UVRAG: variants seen among roughly 807,000 people sequenced by gnomAD.
The protein encoded by UVRAG is UV radiation resistance-associated gene protein.
In UVRAG, 19 loss-of-function variants were observed where a neutral mutation model predicts 78.0. The observed-to-expected ratio is 0.24, with a 90% CI of 0.17 to 0.36. UVRAG has a LOEUF of 0.36. UVRAG is among the 10% of genes least tolerant of loss of function. The pLI is 1.00. For synonymous variants in UVRAG, 323 were observed against 324.6 expected (o/e 1.00, Z 0.05); for missense variants, 740 against 853.8 (o/e 0.87, Z 1.66).
chr11:76,027,271 G>C (rs893506103), intron 12 of UVRAG, among the ~76,000 whole-genome samples: 2 of 152,058 alleles, frequency 1.3e-5, no homozygotes, highest in Non-Finnish European at 2.9e-5. Flanking sequence ...CCCTTTTCCT[G>C]ATTTAGGGAA....
At chr11:75,853,273 A>C (rs778322310) in intron 2 of UVRAG, among the ~76,000 whole-genome samples, 1 of 152,062 alleles carries the variant, frequency 6.6e-6, no homozygotes, top group Non-Finnish European at 1.5e-5. Flanking sequence ...TTTAATGTCA[A>C]TTCCAGTATC....
In UVRAG at chr11:75,961,537, A is replaced by T; in HGVS notation, c.687A>T (p.Thr229=). ...AAGAAAAACTAAGACTCACATCTAC[A>T]AGCAATGAACTGGTAGGTTTTTATG... is the stretch of plus-strand genomic sequence containing the variant. The part of the protein sequence containing the change: ...EIEEKLRLTS[T]SNELKKKSEC... Residue 229 remains threonine, a synonymous_variant, in exon 7 of 15, where the codon ACA becomes ACT. Coordinates refer to ENST00000356136, the MANE Select transcript of UVRAG (RefSeq NM_003369.4). 2 of 1,602,368 alleles carry T rather than the reference A, an allele frequency of 1.2e-6. No homozygotes were observed.
Position 76,143,345 on chromosome 11 carries a change from C to CA in UVRAG, c.*1934dup, listed in dbSNP as rs1952756166. 1 of 152,266 alleles carries CA rather than the reference C, an allele frequency of 6.6e-6. No homozygotes were observed. Among genetic ancestry groups the CA allele is most frequent in the Non-Finnish European group, 1.5e-5 (1 of 68,082 alleles). The allele number at this position is 152,266 out of a possible 1,614,324, so 9.4% of individuals were successfully genotyped here. A position where few individuals can be genotyped will look rare whatever the true frequency, so the allele number is the denominator to read the frequency against. ...GCATCCAGCCTGGCGCTGGCACCAC[C>CA]AAGGAGCAGGACTCCTCATGATTAC... On this transcript the variant is annotated 3_prime_UTR_variant, in exon 15 of 15. Transcript: ENST00000356136.
chr11:76,131,905 A>G (rs1952519383), intron 14 of UVRAG, among the ~76,000 whole-genome samples: 1 of 152,228 alleles, frequency 6.6e-6, no homozygotes, highest in Non-Finnish European at 1.5e-5. Context: ...GGGAAAGAAG[A>G]AGGATAAATC....
At chr11:75,861,278 A>G (rs902048993) in intron 2 of UVRAG, among the ~76,000 whole-genome samples, 1 of 152,226 alleles carries the variant, frequency 6.6e-6, no homozygotes, top group African/African-American at 2.4e-5. Context: ...CCCGGTTGCT[A>G]GTGTTTTAAC....
intron 13 of UVRAG, among the ~76,000 whole-genome samples, chr11:76,110,822 G>T (rs993374974): frequency 2.0e-5 from 3 of 151,992 alleles, no homozygotes; most frequent in South Asian, 2.1e-4. Flanking sequence ...TGAAAAGCTG[G>T]TTTTTTATAT....
At chr11:76,030,721 T>G (rs1171333207) in intron 12 of UVRAG, among the ~76,000 whole-genome samples, 2 of 152,176 alleles carry the variant, frequency 1.3e-5, no homozygotes, top group Non-Finnish European at 2.9e-5. Flanking sequence ...ATCTCTAGCA[T>G]CAAAACTGTG....
intron 1 of UVRAG, among the ~76,000 whole-genome samples, chr11:75,823,741 T>A (rs1233213595): frequency 6.6e-6 from 1 of 152,216 alleles, no homozygotes; most frequent in Admixed American, 6.5e-5. Flanking sequence ...AAGTTTTAAG[T>A]ACCTCAGAGT....
intron 13 of UVRAG, 61 bp from the exon 14 acceptor site, chr11:76,115,863 C>A: frequency 1.4e-6 from 2 of 1,472,904 alleles, no homozygotes; most frequent in South Asian, 2.3e-5. Context: ...TTTAGTGGTT[C>A]ATTTTTCCGA....
intron 8 of UVRAG, among the ~76,000 whole-genome samples, chr11:76,002,207 T>C (rs1949827952): frequency 1.3e-5 from 2 of 152,208 alleles, no homozygotes; most frequent in South Asian, 4.1e-4. Flanking sequence ...TATCTTCAAA[T>C]ACTTAGTTCT....
intron 12 of UVRAG, among the ~76,000 whole-genome samples, chr11:76,019,132 C>A (rs1333054853): frequency 6.6e-6 from 1 of 152,178 alleles, no homozygotes; most frequent in Non-Finnish European, 1.5e-5. Flanking sequence ...GACTTTGATG[C>A]ATTCTTCAGT....
At chr11:75,858,900 A>G (rs914206513) in intron 2 of UVRAG, among the ~76,000 whole-genome samples, 2 of 152,226 alleles carry the variant, frequency 1.3e-5, no homozygotes, top group African/African-American at 4.8e-5. Flanking sequence ...GAGTATTAGG[A>G]TGAGGCACTT....
chr11:75,894,376 C>T (rs975813948), intron 5 of UVRAG, among the ~76,000 whole-genome samples: 1 of 151,974 alleles, frequency 6.6e-6, no homozygotes, highest in African/African-American at 2.4e-5. Context: ...GCCAACTGGT[C>T]TTTCCCCACA....
intron 14 of UVRAG, among the ~76,000 whole-genome samples, chr11:76,139,145 C>T (rs1465915138): frequency 2.6e-5 from 4 of 152,176 alleles, no homozygotes; most frequent in African/African-American, 9.7e-5. Flanking sequence ...AGGAGTCTGA[C>T]AGACCCAAGG....
At chr11:75,957,706 G>A (rs1177247794) in intron 6 of UVRAG, among the ~76,000 whole-genome samples, 1 of 152,100 alleles carries the variant, frequency 6.6e-6, no homozygotes, top group Non-Finnish European at 1.5e-5. Flanking sequence ...CTTTATTGTA[G>A]CAGTGTTTTG....
At chr11:76,023,497 G>GTTTGTTTGTTTGCC (rs2135385214) in intron 12 of UVRAG, among the ~76,000 whole-genome samples, 1 of 151,646 alleles carries the variant, frequency 6.6e-6, no homozygotes, top group Non-Finnish European at 1.5e-5. Flanking sequence ...TTGAACATTT[G>GTTTGTTTGTTTGCC]TTAGCTGCTT....
chr11:76,107,976 A>G (rs561675150), intron 13 of UVRAG, among the ~76,000 whole-genome samples: 3 of 152,278 alleles, frequency 2.0e-5, no homozygotes, highest in African/African-American at 7.2e-5. Flanking sequence ...GTTCCTCCAC[A>G]CCATTTCTTT....
intron 3 of UVRAG, among the ~76,000 whole-genome samples, chr11:75,873,649 T>A (rs1484485704): frequency 6.6e-6 from 1 of 152,232 alleles, no homozygotes; most frequent in African/African-American, 2.4e-5. Context: ...AGGTCCCTTT[T>A]ATTGCTTTCA....
intron 12 of UVRAG, among the ~76,000 whole-genome samples, chr11:76,019,789 A>G (rs1046215774): frequency 7.2e-5 from 11 of 152,200 alleles, no homozygotes; most frequent in Non-Finnish European, 2.9e-5. Context: ...TGATGCCAGC[A>G]TAGGACTGGG....
Sources: allele counts gnomAD v4.1 joint callset (sites outside exome capture counted in the v4.1 genomes callset), GRCh38; gene constraint gnomAD v4.1.1; transcripts MANE v1.5; gene names NCBI Gene and HGNC (gene_info 2026-07-23, HGNC 2026-07-21).